The following NDUFAF6 variants were observed in gnomAD, a reference collection of about 807,000 sequenced individuals.
NDUFAF6 encodes NADH:ubiquinone oxidoreductase complex assembly factor 6, also known as NADH dehydrogenase (ubiquinone) complex I, assembly factor 6.
Under a neutral mutation model 40.8 loss-of-function variants are expected in NDUFAF6, and 45 were observed. The ratio of observed to expected loss-of-function variants is 1.10; its 90% CI spans 0.87 to 1.42. The LOEUF (loss-of-function observed/expected upper bound fraction) is 1.42. Among genes scored for constraint, NDUFAF6 ranks in the 40% most tolerant of loss-of-function variants. The probability of loss-of-function intolerance (pLI) is 0.00; values close to 1 mark genes in which losing one functional copy is unlikely to be tolerated. For missense variants in NDUFAF6, 435 were observed against 418.5 expected, an observed-to-expected ratio of 1.04 and a Z score of -0.34; for synonymous variants, 185 against 155.9, an observed-to-expected ratio of 1.19 and a Z score of -1.39.
intron 3 of NDUFAF6, 78 bp from the exon 4 acceptor site, chr8:95,041,492 G>C (rs1830140213): frequency 1.0e-6 from 1 of 965,684 alleles, no homozygotes; most frequent in Non-Finnish European, 1.7e-6. Context: ...TTTTGTATTT[G>C]GTTTGTTCAT....
intron 1 of NDUFAF6, among the ~76,000 whole-genome samples, chr8:94,903,537 G>A (rs1336815706): frequency 1.3e-5 from 2 of 152,200 alleles, no homozygotes; most frequent in Non-Finnish European, 2.9e-5. Flanking sequence ...ACAAATTACA[G>A]TAGTTGTAGA....
At chr8:95,112,227 T>C (rs1261474628) in intron 4 of NDUFAF6, among the ~76,000 whole-genome samples, 1 of 152,238 alleles carries the variant, frequency 6.6e-6, no homozygotes, top group Non-Finnish European at 1.5e-5. Flanking sequence ...CAGAAAGATA[T>C]GTTCAAATCT....
intron 8 of NDUFAF6, among the ~76,000 whole-genome samples, chr8:95,057,453 T>G (rs765119230): frequency 4.1e-4 from 62 of 152,000 alleles, no homozygotes; most frequent in Non-Finnish European, 8.1e-4. Context: ...GGGGTCGGGG[T>G]GGGGATGTTT....
At chr8:94,920,049 G>T (rs747493264) in intron 1 of NDUFAF6, among the ~76,000 whole-genome samples, 5 of 152,100 alleles carry the variant, frequency 3.3e-5, no homozygotes, top group Non-Finnish European at 7.4e-5. Context: ...CTTGGAGGAT[G>T]TGACCTCCAA....
intron 1 of NDUFAF6, among the ~76,000 whole-genome samples, chr8:94,915,193 C>G (rs1819049861): frequency 6.6e-6 from 1 of 151,984 alleles, no homozygotes; most frequent in African/African-American, 2.4e-5. Context: ...TCAAGTGATC[C>G]TCCCACCTCA....
At chr8:95,089,417 A>G (rs1204356720) in intron 2 of NDUFAF6, among the ~76,000 whole-genome samples, 1 of 151,118 alleles carries the variant, frequency 6.6e-6, no homozygotes, top group Non-Finnish European at 1.5e-5. Flanking sequence ...CCCATCCAGT[A>G]TCACTGTATA....
intron 1 of NDUFAF6, among the ~76,000 whole-genome samples, chr8:94,935,365 A>G (rs1209082974): frequency 6.6e-6 from 1 of 152,194 alleles, no homozygotes; most frequent in Non-Finnish European, 1.5e-5. Flanking sequence ...ACTTTCAGCT[A>G]ATTAACTGGG....
chr8:94,972,884 C>T (rs576264813), intron 1 of NDUFAF6, among the ~76,000 whole-genome samples: 74 of 151,938 alleles, frequency 4.9e-4, no homozygotes, highest in Middle Eastern at 6.8e-3. Context: ...GACGACAGAG[C>T]AAGACACTGT....
At chr8:95,014,937 A>G (rs1827376708) in intron 2 of NDUFAF6, among the ~76,000 whole-genome samples, 1 of 152,112 alleles carries the variant, frequency 6.6e-6, no homozygotes, top group Admixed American at 6.5e-5. Context: ...TCTCTTCTCT[A>G]CCATCTATAT....
chr8:95,076,626 C>A (rs973028257), downstream of NDUFAF6, among the ~76,000 whole-genome samples: 42 of 152,178 alleles, frequency 2.8e-4, no homozygotes, highest in Non-Finnish European at 2.4e-4. Context: ...GTAGTCCCAG[C>A]ACTTTGGGAG....
intron 4 of NDUFAF6, among the ~76,000 whole-genome samples, chr8:95,110,762 A>G (rs1343969383): frequency 2.0e-5 from 3 of 152,212 alleles, no homozygotes; most frequent in East Asian, 3.8e-4. Flanking sequence ...TTGTTATCCA[A>G]TCTTCTAAAG....
At chr8:95,031,334 C>A (rs1828812969) in intron 1 of NDUFAF6, among the ~76,000 whole-genome samples, 3 of 152,172 alleles carry the variant, frequency 2.0e-5, no homozygotes, top group Admixed American at 2.0e-4. Flanking sequence ...TTATCTCTGC[C>A]TTTCTGTATA....
At position 95,041,573 on chromosome 8, in the gene NDUFAF6, G is replaced by T; in HGVS notation, c.424G>T (p.Val142Phe). The change falls in exon 4 of 9, where the codon GTT (valine) becomes TTT (phenylalanine). Residue 142 changes from valine to phenylalanine, a missense_variant. Transcript: ENST00000396124. ...TATAATGCTCTTTGTTTTTTAGGCT[G>T]TTAAAAGACATAATCTGACTAAAAG... ...QPVAIELWKA[V>F]KRHNLTKRWL... 6.2e-7 allele frequency: 1 copy of T among 1,606,940 alleles called. No individual in the cohort carries two copies. The highest frequency in any genetic ancestry group is 8.5e-7 in the Non-Finnish European group (1 of 1,173,872).
chr8:95,054,715 A>G (rs1195778105), intron 8 of NDUFAF6, among the ~76,000 whole-genome samples: 2 of 152,130 alleles, frequency 1.3e-5, no homozygotes, highest in African/African-American at 4.8e-5. Context: ...GATTACAGGC[A>G]TGAGCCACTG....
At chr8:94,987,658 G>A (rs1363762696) in intron 2 of NDUFAF6, among the ~76,000 whole-genome samples, 1 of 152,194 alleles carries the variant, frequency 6.6e-6, no homozygotes, top group East Asian at 1.9e-4. Context: ...AGGCTGCTTA[G>A]GGGAACAGGG....
At chr8:94,965,641 A>AT (rs1444696025) in intron 1 of NDUFAF6, among the ~76,000 whole-genome samples, 1 of 152,228 alleles carries the variant, frequency 6.6e-6, no homozygotes, top group African/African-American at 2.4e-5. Context: ...CGGTTCTGGG[A>AT]TAAAAACTCA....
intron 2 of NDUFAF6, among the ~76,000 whole-genome samples, chr8:94,951,965 T>A (rs1245175507): frequency 6.6e-6 from 1 of 152,244 alleles, no homozygotes; most frequent in Non-Finnish European, 1.5e-5. Flanking sequence ...CCAGGTTCCC[T>A]GCCTGGGCAG....
chr8:95,057,831 A>G lies in NDUFAF6; in HGVS notation c.896A>G (p.Lys299Arg), dbSNP rs200986634. ...CAGGTTTCTCTAGAGGACTTTCTAA[A>G]GAAAATTCAGCGAGTGGATTTTGAT... is the stretch of plus-strand genomic sequence containing the variant. The part of the protein sequence containing the change: ...LQTVSLEDFL[K>R]KIQRVDFDIF... Residue 299 changes from lysine (K) to arginine (R), a missense_variant, in exon 9 of 9, where the codon AAG becomes AGG. By Grantham distance (26) the Lys-to-Arg change is conservative. Coordinates refer to ENST00000396124, the MANE Select transcript of NDUFAF6 (RefSeq NM_152416.4). 6.2e-7 allele frequency: 1 copy of G among 1,612,616 alleles called. No homozygotes were observed.
intron 1 of NDUFAF6, among the ~76,000 whole-genome samples, chr8:94,931,722 C>G (rs911460184): frequency 6.6e-6 from 1 of 152,116 alleles, no homozygotes; most frequent in Non-Finnish European, 1.5e-5. Context: ...CTCTTGTAAT[C>G]CCAACACTTT....
Sources: allele counts gnomAD v4.1 joint callset (sites outside exome capture counted in the v4.1 genomes callset), GRCh38; gene constraint gnomAD v4.1.1; transcripts MANE v1.5; gene names NCBI Gene and HGNC (gene_info 2026-07-23, HGNC 2026-07-21).